EDARADD: variants seen among roughly 807,000 people sequenced by gnomAD.
EDARADD encodes the protein EDAR associated via death domain.
In EDARADD, 20 loss-of-function variants were observed where a neutral mutation model predicts 25.6. That is an observed-to-expected ratio of 0.78 (90% CI 0.55 to 1.14). The LOEUF is 1.14. Among genes scored for constraint, EDARADD ranks in the 50% most tolerant of loss-of-function variants. The probability of loss-of-function intolerance (pLI) is 0.00; values close to 1 mark genes in which losing one functional copy is unlikely to be tolerated. For synonymous variants in EDARADD, 86 were observed against 94.4 expected (o/e 0.91, Z 0.52); for missense variants, 225 against 270.1 (o/e 0.83, Z 1.17).
chr1:236,396,496 T>G (rs1354708603), intron 1 of EDARADD, among the ~76,000 whole-genome samples: 1 of 152,210 alleles, frequency 6.6e-6, no homozygotes. Context: ...TATAACCGTT[T>G]AGATAAACGC....
At chr1:236,404,608 G>C (rs935999301) in intron 1 of EDARADD, among the ~76,000 whole-genome samples, 4 of 152,196 alleles carry the variant, frequency 2.6e-5, no homozygotes, top group African/African-American at 9.6e-5. Flanking sequence ...GGGCAATATA[G>C]CGAGACCCCG....
rs1276548025 is a variant in EDARADD, at chr1:236,482,448, C to T, written c.447C>T (p.Ser149=). 1.2e-6 allele frequency: 2 copies of T among 1,614,186 alleles called. No homozygotes were observed. Among genetic ancestry groups the T allele is most frequent in the Non-Finnish European group, 1.7e-6 (2 of 1,180,024 alleles). ...ATTTTGCAAGCAAATGGGGGATGTCCTATGACGAATTGTGCTTCCTGGAGC... is the reference window on the plus strand; with the variant it reads ...ATTTTGCAAGCAAATGGGGGATGTCTTATGACGAATTGTGCTTCCTGGAGC... ...WRNFASKWGM[S]YDELCFLEQR... Residue 149 remains serine (S), a synonymous_variant, in exon 6 of 6, where the codon TCC becomes TCT. Coordinates refer to ENST00000334232, the MANE Select transcript of EDARADD (RefSeq NM_145861.4).
intron 3 of EDARADD, among the ~76,000 whole-genome samples, chr1:236,381,596 A>C (rs139745535): frequency 0.011 from 1,663 of 152,000 alleles, 25 homozygotes; most frequent in East Asian, 0.028. Context: ...AGCCCTAAAT[A>C]CATTGTTACT....
intron 1 of EDARADD, among the ~76,000 whole-genome samples, chr1:236,399,677 T>C (rs1341926702): frequency 6.6e-6 from 1 of 152,230 alleles, no homozygotes; most frequent in East Asian, 1.9e-4. Context: ...AAAATCTGTT[T>C]GTTCATGATT....
chr1:236,389,325 C>T (rs1667393865), upstream of EDARADD, among the ~76,000 whole-genome samples: 1 of 152,174 alleles, frequency 6.6e-6, no homozygotes, highest in South Asian at 2.1e-4. Context: ...CCACTCCCCA[C>T]CCAGGGCATT....
chr1:236,395,290 G>A lies in EDARADD; in HGVS notation c.61+785G>A. Reference sequence around the variant, plus strand: ...GTACCGGGCAGGACGCGCGCTCTGGGCGCTGGGGACGCCCGGGACACTCGG... The same window carrying A: ...GTACCGGGCAGGACGCGCGCTCTGGACGCTGGGGACGCCCGGGACACTCGG... On this transcript the variant is annotated intron_variant, in intron 1 of 5. Coordinates refer to ENST00000334232, the MANE Select transcript of EDARADD (RefSeq NM_145861.4). The surrounding 1 kb of genome is among the most constrained non-coding windows in gnomAD (Gnocchi z 6.9). The A allele has an allele frequency of 1.1e-5, 12 of 1,137,782 alleles. No individual in the cohort carries two copies. The highest frequency in any genetic ancestry group is 1.2e-5 in the Non-Finnish European group (11 of 902,176). 70.5% of individuals were successfully genotyped at this position (1,137,782 alleles called of 1,614,324 possible).
intron 3 of EDARADD, chr1:236,350,961 C>A (rs1241150543): frequency 6.6e-6 from 1 of 152,092 alleles, no homozygotes. Context: ...TCTTGGTAAA[C>A]AATTTAGGAA....
chr1:236,449,463 A>G (rs758592206), intron 4 of EDARADD, among the ~76,000 whole-genome samples: 1 of 152,266 alleles, frequency 6.6e-6, no homozygotes, highest in Non-Finnish European at 1.5e-5. Flanking sequence ...AAGTCTTAGC[A>G]TCCAGGGTAT....
At chr1:236,464,563 G>A (rs936354806) in intron 4 of EDARADD, among the ~76,000 whole-genome samples, 2 of 151,118 alleles carry the variant, frequency 1.3e-5, no homozygotes, top group Non-Finnish European at 2.9e-5. Flanking sequence ...CTCCTGAGTA[G>A]CTAGGAACAC....
At chr1:236,366,921 A>T (rs1033488999) in intron 3 of EDARADD, among the ~76,000 whole-genome samples, 1 of 151,868 alleles carries the variant, frequency 6.6e-6, no homozygotes, top group African/African-American at 2.4e-5. Context: ...TACTAAAAAT[A>T]CAAAAATTAG....
intron 4 of EDARADD, among the ~76,000 whole-genome samples, chr1:236,467,516 T>G (rs1334800035): frequency 6.6e-6 from 1 of 151,926 alleles, no homozygotes; most frequent in Non-Finnish European, 1.5e-5. Flanking sequence ...TGATCCTGAT[T>G]GTAAAAATGG....
chr1:236,441,126 A>G (rs1179004956), intron 4 of EDARADD, among the ~76,000 whole-genome samples: 1 of 151,872 alleles, frequency 6.6e-6, no homozygotes, highest in Non-Finnish European at 1.5e-5. Flanking sequence ...CAAACAAATG[A>G]TAAGAAAGCC....
intron 4 of EDARADD, among the ~76,000 whole-genome samples, chr1:236,431,504 C>G (rs1386409934): frequency 1.3e-5 from 2 of 152,244 alleles, no homozygotes; most frequent in South Asian, 4.1e-4. Context: ...AATACCCCAT[C>G]TACTAGAACT....
chr1:236,405,881 C>CCTTCCT (rs1162389998), intron 1 of EDARADD, among the ~76,000 whole-genome samples: 42 of 34,414 alleles, frequency 1.2e-3, no homozygotes, highest in African/African-American at 3.8e-3. Flanking sequence ...TTCCTTCTTT[C>CCTTCCT]TTTCTTTCTT....
chr1:236,430,655 G>T (rs902458848), intron 4 of EDARADD, among the ~76,000 whole-genome samples: 2 of 152,204 alleles, frequency 1.3e-5, no homozygotes, highest in Non-Finnish European at 2.9e-5. Context: ...GCAGCTGGCT[G>T]CTTCCGTTGA....
chr1:236,437,530 G>A (rs956891299), intron 4 of EDARADD, among the ~76,000 whole-genome samples: 1 of 152,074 alleles, frequency 6.6e-6, no homozygotes, highest in Non-Finnish European at 1.5e-5. Context: ...GAGGGCTATT[G>A]CAGTCACCTA....
intron 3 of EDARADD, among the ~76,000 whole-genome samples, chr1:236,416,092 G>A (rs1470791164): frequency 1.3e-5 from 2 of 152,286 alleles, no homozygotes; most frequent in Middle Eastern, 3.4e-3. Context: ...GACACCATTA[G>A]AGTGTCCTTT....
At chr1:236,392,875 G>A (rs1667443772), upstream of EDARADD, among the ~76,000 whole-genome samples, 1 of 152,018 alleles carries the variant, frequency 6.6e-6, no homozygotes, top group Non-Finnish European at 1.5e-5. Context: ...TCACCATGTT[G>A]GGCAGTCTGA....
intron 3 of EDARADD, among the ~76,000 whole-genome samples, chr1:236,356,391 A>G (rs1666975493): frequency 6.6e-6 from 1 of 152,118 alleles, no homozygotes; most frequent in African/African-American, 2.4e-5. Context: ...TTTCTGGAGC[A>G]ATTATGTTTA....
Sources: allele counts gnomAD v4.1 joint callset (sites outside exome capture counted in the v4.1 genomes callset), GRCh38; gene constraint gnomAD v4.1.1; non-coding constraint Gnocchi (gnomAD v3.1); transcripts MANE v1.5; gene names NCBI Gene and HGNC (gene_info 2026-07-23, HGNC 2026-07-21).